Variants in CDH12 observed in about 807,000 individuals in gnomAD.
The protein encoded by CDH12 is cadherin-12.
In CDH12, 41 loss-of-function variants were observed where a neutral mutation model predicts 74.1. The observed-to-expected ratio is 0.55, with a 90% confidence interval of 0.43 to 0.72. The LOEUF is 0.72. Among genes scored for constraint, CDH12 ranks in the 30% least tolerant of loss-of-function variants. The probability of loss-of-function intolerance (pLI) is 0.00; values close to 1 mark genes in which losing one functional copy is unlikely to be tolerated. For missense variants in CDH12, 945 were observed against 977.2 expected (o/e 0.97, Z 0.44); for synonymous variants, 399 against 355.0 (o/e 1.12, Z -1.39).
intron 2 of CDH12, among the ~76,000 whole-genome samples, chr5:22,435,168 C>G (rs1246292981): frequency 1.3e-5 from 2 of 151,944 alleles, no homozygotes; most frequent in African/African-American, 4.8e-5. Flanking sequence ...AATCAGCTGC[C>G]AGTGTGGCCA....
chr5:21,817,205 A>G, intron 8 of CDH12, 73 bp from the exon 9 acceptor site: 1 of 981,560 alleles, frequency 1.0e-6, no homozygotes, highest in East Asian at 2.6e-5. Flanking sequence ...AGGCTTGAAA[A>G]ATAGAGTCCA....
chr5:22,687,176 C>T (rs548203384), intron 1 of CDH12, among the ~76,000 whole-genome samples: 35 of 152,178 alleles, frequency 2.3e-4, no homozygotes, highest in African/African-American at 7.5e-4. Context: ...TGCCTGTAAT[C>T]CCAGCCTCTC....
intron 3 of CDH12, among the ~76,000 whole-genome samples, chr5:22,385,623 T>C (rs969577799): frequency 2.0e-5 from 3 of 152,178 alleles, no homozygotes; most frequent in Non-Finnish European, 2.9e-5. Flanking sequence ...TATAAGACAG[T>C]AGGAGCCTAG....
chr5:22,460,713 A>AGTTTTTTTTT (rs1745467069), intron 2 of CDH12, among the ~76,000 whole-genome samples: 1 of 85,622 alleles, frequency 1.2e-5, no homozygotes, highest in African/African-American at 5.1e-5. Flanking sequence ...ATATCTAGCA[A>AGTTTTTTTTT]TTTTTTTTTT....
chr5:22,148,625 G>A (rs1385724566), intron 4 of CDH12, among the ~76,000 whole-genome samples: 1 of 152,088 alleles, frequency 6.6e-6, no homozygotes, highest in East Asian at 1.9e-4. Context: ...AGCAGAGTTG[G>A]TTCCTTCTGG....
chr5:22,442,319 T>G (rs1744659125), intron 2 of CDH12, among the ~76,000 whole-genome samples: 1 of 152,144 alleles, frequency 6.6e-6, no homozygotes, highest in Non-Finnish European at 1.5e-5. Context: ...AGTATGCTAC[T>G]AAGTGGCAGA....
chr5:22,238,141 A>G (rs1219258177), intron 3 of CDH12, among the ~76,000 whole-genome samples: 3 of 152,178 alleles, frequency 2.0e-5, no homozygotes. Context: ...CCCTCCAGGC[A>G]GTGTTTAAAA....
At chr5:22,514,836 C>G (rs1736740658) in intron 1 of CDH12, among the ~76,000 whole-genome samples, 1 of 151,938 alleles carries the variant, frequency 6.6e-6, no homozygotes, top group Admixed American at 6.6e-5. Context: ...ATATAGTTCA[C>G]TAAGATAAGA....
At position 22,698,362 on chromosome 5, in the gene CDH12, C is replaced by T. The variant is rs538637743; in HGVS notation, c.-523+154696G>A. Among the ~76,000 whole-genome samples the T allele has an allele frequency of 2.4e-4, 36 of 151,400 alleles. No homozygotes were observed. In the South Asian group the frequency reaches 7.3e-3, roughly 31 times the overall value. On this transcript the variant is annotated intron_variant, in intron 1 of 14. Transcript: ENST00000382254. Reference sequence around the variant, plus strand: ...TTTCAAACTCCTGACCTCAAGTAATCCGCCCACCTCGGCCTCCCAAAATGC... The same window carrying T: ...TTTCAAACTCCTGACCTCAAGTAATTCGCCCACCTCGGCCTCCCAAAATGC...
At chr5:22,793,328 T>G (rs761614067) in intron 1 of CDH12, among the ~76,000 whole-genome samples, 2 of 152,172 alleles carry the variant, frequency 1.3e-5, no homozygotes, top group Non-Finnish European at 2.9e-5. Flanking sequence ...AGATTATTTT[T>G]CTGCTATACA....
At chr5:22,687,512 A>T (rs546005743) in intron 1 of CDH12, among the ~76,000 whole-genome samples, 1 of 152,128 alleles carries the variant, frequency 6.6e-6, no homozygotes, top group South Asian at 2.1e-4. Context: ...GGCTCAAGTG[A>T]TCCTTCTGCC....
At chr5:22,395,690 G>A (rs763213443) in intron 3 of CDH12, among the ~76,000 whole-genome samples, 1 of 152,080 alleles carries the variant, frequency 6.6e-6, no homozygotes, top group Non-Finnish European at 1.5e-5. Context: ...ATTTGGGTCT[G>A]AAGACTAGTG....
chr5:22,227,224 A>AG (rs1752224672), intron 3 of CDH12, among the ~76,000 whole-genome samples: 1 of 152,052 alleles, frequency 6.6e-6, no homozygotes, highest in African/African-American at 2.4e-5. Flanking sequence ...GGTGCTCTTC[A>AG]ATTTGTATTA....
At chr5:22,641,785 T>C (rs1158432604) in intron 1 of CDH12, among the ~76,000 whole-genome samples, 4 of 152,238 alleles carry the variant, frequency 2.6e-5, no homozygotes, top group Admixed American at 6.5e-5. Context: ...TTATGTTTAT[T>C]TCCTCACACT....
intron 5 of CDH12, among the ~76,000 whole-genome samples, chr5:22,032,835 C>T (rs576170947): frequency 1.9e-3 from 286 of 149,178 alleles, no homozygotes; most frequent in African/African-American, 6.3e-3. Context: ...CACACACACA[C>T]GCACACACAC....
intron 5 of CDH12, among the ~76,000 whole-genome samples, chr5:22,007,832 G>A (rs1418254568): frequency 3.3e-5 from 5 of 152,086 alleles, no homozygotes; most frequent in Admixed American, 2.6e-4. Flanking sequence ...TTCAATGCCT[G>A]TTACACATAT....
At chr5:22,359,507 A>T (rs1222649263) in intron 3 of CDH12, among the ~76,000 whole-genome samples, 1 of 152,176 alleles carries the variant, frequency 6.6e-6, no homozygotes, top group Non-Finnish European at 1.5e-5. Flanking sequence ...CACTGTCAAC[A>T]TTAGACAGAT....
intron 3 of CDH12, among the ~76,000 whole-genome samples, chr5:22,258,691 T>C (rs956229281): frequency 6.6e-6 from 1 of 152,154 alleles, no homozygotes; most frequent in Non-Finnish European, 1.5e-5. Flanking sequence ...TACCATATAT[T>C]TACTGTATCT....
intron 1 of CDH12, among the ~76,000 whole-genome samples, chr5:22,813,422 A>G (rs1185873149): frequency 6.6e-6 from 1 of 152,134 alleles, no homozygotes; most frequent in East Asian, 1.9e-4. Context: ...GTCTCATTTT[A>G]TCACCATGAA....
Sources: allele counts gnomAD v4.1 joint callset (sites outside exome capture counted in the v4.1 genomes callset), GRCh38; gene constraint gnomAD v4.1.1; transcripts MANE v1.5; gene names NCBI Gene and HGNC (gene_info 2026-07-23, HGNC 2026-07-21).